ANKS1B: variants seen among roughly 807,000 people sequenced by gnomAD.
ANKS1B encodes ankyrin repeat and sterile alpha motif domain-containing protein 1B.
ANKS1B carries 36 observed loss-of-function variants against 148.3 expected under a neutral mutation model. That is an observed-to-expected ratio of 0.24 (90% CI 0.19 to 0.32). The LOEUF is 0.32. ANKS1B is among the 10% of genes least tolerant of loss of function. The pLI is 1.00. For missense variants in ANKS1B, 1,157 were observed against 1,542.6 expected, an observed-to-expected ratio of 0.75 and a Z score of 4.19; for synonymous variants, 542 against 560.8, an observed-to-expected ratio of 0.97 and a Z score of 0.47.
chr12:99,231,045 ATTTAACAG>A (rs2086759449), intron 14 of ANKS1B, among the ~76,000 whole-genome samples: 1 of 152,210 alleles, frequency 6.6e-6, no homozygotes, highest in Non-Finnish European at 1.5e-5. Context: ...TTTATGTGAA[ATTTAACAG>A]TTCATGGAAC....
rs5800395 is a variant in ANKS1B, at chr12:99,970,531, G to GAA, written c.134+13571_134+13572dup. ...AATGAATCACTAACACATTAAAATT[G>GAA]AAAAAAAAAAACACATTGGATCCTC... is the stretch of plus-strand genomic sequence containing the variant. On this transcript the variant is annotated intron_variant, in intron 1 of 26. Transcript: ENST00000683438. Among the ~76,000 whole-genome samples, 1,354 of 146,990 alleles carry GAA rather than the reference G, an allele frequency of 9.2e-3. 9 individuals are homozygous for GAA. Among genetic ancestry groups the GAA allele is most frequent in the Non-Finnish European group, 0.011 (708 of 66,792 alleles).
intron 17 of ANKS1B, among the ~76,000 whole-genome samples, chr12:98,897,425 T>C (rs2099766312): frequency 6.6e-6 from 1 of 152,004 alleles, no homozygotes; most frequent in Non-Finnish European, 1.5e-5. Flanking sequence ...AGCAGACATT[T>C]CTCAAACGAA....
At chr12:99,460,606 C>A (rs1428576500) in intron 10 of ANKS1B, among the ~76,000 whole-genome samples, 1 of 151,664 alleles carries the variant, frequency 6.6e-6, no homozygotes, top group Non-Finnish European at 1.5e-5. Flanking sequence ...AGACAGTTAC[C>A]AAAAGAAGAT....
At chr12:98,756,293 A>T (rs963188733) in intron 25 of ANKS1B, among the ~76,000 whole-genome samples, 1 of 152,108 alleles carries the variant, frequency 6.6e-6, no homozygotes, top group African/African-American at 2.4e-5. Flanking sequence ...TATAAATGGG[A>T]GTTCCCCTGT....
chr12:99,431,653 T>A (rs144835303), intron 11 of ANKS1B, among the ~76,000 whole-genome samples: 200 of 152,336 alleles, frequency 1.3e-3, no homozygotes, highest in African/African-American at 4.6e-3. Flanking sequence ...GAATGAGTAA[T>A]CCATAGATAT....
chr12:99,669,140 T>A (rs1268888055), intron 8 of ANKS1B, among the ~76,000 whole-genome samples: 1 of 152,168 alleles, frequency 6.6e-6, no homozygotes, highest in Non-Finnish European at 1.5e-5. Context: ...ATTTTTTGCA[T>A]GTTCATGACT....
rs2081254097 is a variant in ANKS1B at position 99,195,247 on chromosome 12, CTAATT to C, written c.2420-40857_2420-40853del. Among the ~76,000 whole-genome samples the C allele has an allele frequency of 4.6e-5, 7 of 152,198 alleles. No individual in the cohort carries two copies. The South Asian group carries it at 1.5e-3, about 32-fold the overall frequency. ...ATTGACTCCATACTCTTCATGGACA[CTAATT>C]TAGTCAGACAAGTTACAGAACTCCA... On this transcript the variant is annotated intron_variant, in intron 14 of 26. Coordinates refer to ENST00000683438, the MANE Select transcript of ANKS1B (RefSeq NM_001352186.2).
At chr12:99,460,953 T>G (rs2095952215) in intron 10 of ANKS1B, among the ~76,000 whole-genome samples, 1 of 152,014 alleles carries the variant, frequency 6.6e-6, no homozygotes, top group South Asian at 2.1e-4. Context: ...CACACATGTT[T>G]ATAGCAGCAC....
At chr12:98,772,747 T>C (rs758511990) in intron 25 of ANKS1B, among the ~76,000 whole-genome samples, 6 of 152,052 alleles carry the variant, frequency 3.9e-5, no homozygotes, top group Non-Finnish European at 8.8e-5. Flanking sequence ...AGCCAAACCA[T>C]ATCAGCCGCC....
chr12:99,750,143 T>C (rs1273980542), intron 8 of ANKS1B, among the ~76,000 whole-genome samples: 1 of 152,058 alleles, frequency 6.6e-6, no homozygotes, highest in East Asian at 1.9e-4. Flanking sequence ...TCTTTAAATA[T>C]GTAAATTTGT....
chr12:99,846,665 T>C (rs1410065155), intron 1 of ANKS1B, among the ~76,000 whole-genome samples: 1 of 152,004 alleles, frequency 6.6e-6, no homozygotes, highest in African/African-American at 2.4e-5. Context: ...TTATATGAGA[T>C]ACTGTGATAT....
At chr12:99,663,794 A>G (rs559154279) in intron 8 of ANKS1B, among the ~76,000 whole-genome samples, 6 of 152,302 alleles carry the variant, frequency 3.9e-5, no homozygotes, top group Admixed American at 3.9e-4. Flanking sequence ...ATATTGAACA[A>G]GAAAGTAAGG....
At chr12:99,303,465 T>G (rs921180917) in intron 12 of ANKS1B, among the ~76,000 whole-genome samples, 4 of 152,114 alleles carry the variant, frequency 2.6e-5, no homozygotes, top group African/African-American at 9.7e-5. Flanking sequence ...CCCAACACTG[T>G]TCTAAACTCT....
At chr12:99,446,854 T>C (rs2095645548) in intron 10 of ANKS1B, among the ~76,000 whole-genome samples, 1 of 152,016 alleles carries the variant, frequency 6.6e-6, no homozygotes, top group Non-Finnish European at 1.5e-5. Context: ...TAATATTTAA[T>C]ATTTGGAAGC....
At chr12:99,028,983 A>G (rs1359672832) in intron 17 of ANKS1B, among the ~76,000 whole-genome samples, 2 of 152,210 alleles carry the variant, frequency 1.3e-5, no homozygotes, top group East Asian at 3.9e-4. Flanking sequence ...AACTGCAACC[A>G]AGTTCATTAA....
intron 1 of ANKS1B, among the ~76,000 whole-genome samples, chr12:99,876,732 A>T (rs75572297): frequency 4.8e-4 from 1 of 2,072 alleles, no homozygotes; most frequent in Non-Finnish European, 6.6e-4. Context: ...TGCTTCTCAC[A>T]AAAAAAAAAA....
At chr12:99,442,878 A>G (rs1190772720) in intron 11 of ANKS1B, among the ~76,000 whole-genome samples, 1 of 151,972 alleles carries the variant, frequency 6.6e-6, no homozygotes, top group Non-Finnish European at 1.5e-5. Flanking sequence ...GATTGAATCC[A>G]AAGTCCTCCT....
chr12:98,814,233 C>G (rs1442063991), intron 19 of ANKS1B, among the ~76,000 whole-genome samples: 1 of 152,162 alleles, frequency 6.6e-6, no homozygotes, highest in African/African-American at 2.4e-5. Context: ...AGTACTTGAC[C>G]TACTTATTTC....
intron 4 of ANKS1B, among the ~76,000 whole-genome samples, chr12:99,804,124 A>G (rs2067303552): frequency 6.6e-6 from 1 of 152,220 alleles, no homozygotes; most frequent in Non-Finnish European, 1.5e-5. Context: ...GATACCAAGA[A>G]GCTTACTGAC....
Sources: gnomAD v4.1 joint callset for allele counts (sites outside exome capture counted in the v4.1 genomes callset) on GRCh38, gnomAD v4.1.1 for gene constraint, MANE v1.5 for transcripts, NCBI Gene and HGNC (gene_info 2026-07-23, HGNC 2026-07-21) for gene names.